The following GPC5 variants were observed in gnomAD, a reference collection of about 807,000 sequenced individuals.
GPC5 encodes the protein glypican 5, also known as glypican-5.
In GPC5, 47 loss-of-function variants were observed where a neutral mutation model predicts 53.9. The observed-to-expected ratio is 0.87, with a 90% CI of 0.69 to 1.11. The LOEUF is 1.11. GPC5 is among the 50% of genes most tolerant of loss of function. GPC5 has a pLI of 0.00. For synonymous variants in GPC5, 286 were observed against 263.3 expected (o/e 1.09, Z -0.84); for missense variants, 748 against 713.1 (o/e 1.05, Z -0.56).
At chr13:92,038,833 C>A (rs763858433) in intron 6 of GPC5, among the ~76,000 whole-genome samples, 2 of 151,980 alleles carry the variant, frequency 1.3e-5, no homozygotes, top group African/African-American at 2.4e-5. Flanking sequence ...ACAGTCAGGA[C>A]CCCAGGAAGC....
At chr13:91,944,137 C>T (rs1391331898) in intron 6 of GPC5, among the ~76,000 whole-genome samples, 1 of 151,748 alleles carries the variant, frequency 6.6e-6, no homozygotes, top group African/African-American at 2.4e-5. Flanking sequence ...GCTCTGTCGC[C>T]CAGGCTGGAG....
chr13:92,019,182 A>C (rs1422925255), intron 6 of GPC5, among the ~76,000 whole-genome samples: 1 of 151,910 alleles, frequency 6.6e-6, no homozygotes, highest in Admixed American at 6.6e-5. Flanking sequence ...TATTTCCTTC[A>C]AGTTATTACA....
At chr13:92,681,200 A>G (rs537985587) in intron 7 of GPC5, among the ~76,000 whole-genome samples, 1 of 151,506 alleles carries the variant, frequency 6.6e-6, no homozygotes, top group South Asian at 2.1e-4. Flanking sequence ...TTGATAAAAT[A>G]AAAAAAATTC....
At chr13:91,798,691 G>T (rs535370085) in intron 5 of GPC5, among the ~76,000 whole-genome samples, 55 of 152,022 alleles carry the variant, frequency 3.6e-4, no homozygotes, top group African/African-American at 1.3e-3. Context: ...ATTCCTTTAC[G>T]TATATATCCA....
intron 7 of GPC5, among the ~76,000 whole-genome samples, chr13:92,499,442 G>A (rs1370363016): frequency 6.6e-6 from 1 of 152,116 alleles, no homozygotes; most frequent in Non-Finnish European, 1.5e-5. Context: ...CCTAGGGTTG[G>A]ATAGATAGAA....
intron 7 of GPC5, among the ~76,000 whole-genome samples, chr13:92,498,206 G>A (rs1039816116): frequency 6.6e-6 from 1 of 152,016 alleles, no homozygotes; most frequent in Non-Finnish European, 1.5e-5. Flanking sequence ...TTGACCTTTT[G>A]GGGTTTTATA....
intron 2 of GPC5, among the ~76,000 whole-genome samples, chr13:91,650,174 C>T (rs2034663134): frequency 6.6e-6 from 1 of 152,010 alleles, no homozygotes; most frequent in South Asian, 2.1e-4. Context: ...CATACAATTT[C>T]ATTGTATGTT....
chr13:91,750,015 G>A (rs1281211682), intron 4 of GPC5, among the ~76,000 whole-genome samples: 1 of 152,116 alleles, frequency 6.6e-6, no homozygotes, highest in Non-Finnish European at 1.5e-5. Context: ...TAGCCATGTT[G>A]GCCAGGCTGA....
chr13:92,039,833 C>A (rs2040927939), intron 6 of GPC5, among the ~76,000 whole-genome samples: 2 of 152,092 alleles, frequency 1.3e-5, no homozygotes, highest in South Asian at 4.1e-4. Flanking sequence ...TAAGGCCAAC[C>A]CATATGAATT....
At chr13:92,377,747 A>G (rs1197851746) in intron 7 of GPC5, among the ~76,000 whole-genome samples, 2 of 152,134 alleles carry the variant, frequency 1.3e-5, no homozygotes, top group Non-Finnish European at 2.9e-5. Flanking sequence ...TCTTTTGATG[A>G]TTAATAACTC....
intron 2 of GPC5, among the ~76,000 whole-genome samples, chr13:91,576,237 C>T (rs574979299): frequency 2.6e-5 from 4 of 151,232 alleles, no homozygotes; most frequent in South Asian, 4.2e-4. Flanking sequence ...TGAAAATTGC[C>T]GAGGGTAGAT....
intron 7 of GPC5, among the ~76,000 whole-genome samples, chr13:92,353,342 A>T (rs188525151): frequency 6.6e-6 from 1 of 152,018 alleles, no homozygotes; most frequent in Admixed American, 6.6e-5. Flanking sequence ...ATACGATGAT[A>T]CGAGTTTTGA....
chr13:92,725,582 A>G (rs1203898167), intron 7 of GPC5, among the ~76,000 whole-genome samples: 1 of 151,636 alleles, frequency 6.6e-6, no homozygotes, highest in Admixed American at 6.6e-5. Context: ...TGAAATTGGA[A>G]CTATTTTTAA....
intron 7 of GPC5, among the ~76,000 whole-genome samples, chr13:92,215,488 G>A (rs2042403340): frequency 1.3e-5 from 2 of 152,170 alleles, no homozygotes; most frequent in Non-Finnish European, 2.9e-5. Context: ...TCTTTCATAA[G>A]TGTGGGTTGC....
rs79609343 is a variant in GPC5, at chr13:91,622,807, C to G, written c.326-70380C>G. Among the ~76,000 whole-genome samples, 408 of 152,206 alleles carry G rather than the reference C, an allele frequency of 2.7e-3. 3 individuals carry two copies. Among genetic ancestry groups the G allele is most frequent in the African/African-American group, 9.3e-3 (385 of 41,540 alleles). On this transcript the variant is annotated intron_variant, in intron 2 of 7. Coordinates refer to ENST00000377067, the MANE Select transcript of GPC5 (RefSeq NM_004466.6). The stretch of plus-strand genomic sequence containing the variant: ...AGCTATAGATTATGGAGAGAAAAGT[C>G]CACTACTACAAGAATCCAATATCCA...
At chr13:92,389,160 G>A (rs764638687) in intron 7 of GPC5, among the ~76,000 whole-genome samples, 10 of 152,062 alleles carry the variant, frequency 6.6e-5, no homozygotes, top group Non-Finnish European at 1.3e-4. Flanking sequence ...TCAAATACAT[G>A]ACCACATTTA....
chr13:92,679,053 G>A (rs1384992343), intron 7 of GPC5, among the ~76,000 whole-genome samples: 1 of 152,144 alleles, frequency 6.6e-6, no homozygotes, highest in Non-Finnish European at 1.5e-5. Context: ...TGGGAAACAG[G>A]TGAAGAAACC....
At chr13:91,625,827 A>T (rs1050604059) in intron 2 of GPC5, among the ~76,000 whole-genome samples, 5 of 152,122 alleles carry the variant, frequency 3.3e-5, no homozygotes, top group Admixed American at 6.6e-5. Flanking sequence ...GAAAATAGTA[A>T]CATATTGATC....
chr13:92,231,735 A>T (rs1427998941), intron 7 of GPC5, among the ~76,000 whole-genome samples: 1 of 152,118 alleles, frequency 6.6e-6, no homozygotes, highest in Non-Finnish European at 1.5e-5. Flanking sequence ...TGGGAAGCTG[A>T]GGTGGGCAGA....
Sources: allele counts gnomAD v4.1 joint callset (sites outside exome capture counted in the v4.1 genomes callset), GRCh38; gene constraint gnomAD v4.1.1; transcripts MANE v1.5; gene names NCBI Gene and HGNC (gene_info 2026-07-23, HGNC 2026-07-21).